The following PEAK1 variants were observed in gnomAD, a reference collection of about 807,000 sequenced individuals.
The protein encoded by PEAK1 is pseudopodium enriched atypical kinase 1.
A neutral mutation model predicts 124.7 loss-of-function variants in PEAK1; 54 were observed. The ratio of observed to expected loss-of-function variants is 0.43; its 90% CI spans 0.35 to 0.54. PEAK1 has a LOEUF of 0.54. PEAK1 is among the 20% of genes least tolerant of loss of function. The pLI is 0.01. For missense variants in PEAK1, 2,046 were observed against 2,134.5 expected (o/e 0.96, Z 0.82); for synonymous variants, 719 against 760.0 (o/e 0.95, Z 0.89).
intron 5 of PEAK1, among the ~76,000 whole-genome samples, chr15:77,275,733 A>T (rs1005067024): frequency 1.3e-4 from 19 of 151,734 alleles, no homozygotes; most frequent in Admixed American, 4.6e-4. Flanking sequence ...TAAATAAAAT[A>T]AAAAAATTTA....
chr15:77,275,764 A>G (rs1044997297), intron 5 of PEAK1, among the ~76,000 whole-genome samples: 3 of 151,876 alleles, frequency 2.0e-5, no homozygotes, highest in African/African-American at 7.2e-5. Context: ...AAAAGAAGTA[A>G]ATGTATTTTT....
intron 6 of PEAK1, among the ~76,000 whole-genome samples, chr15:77,191,031 A>C (rs991608030): frequency 2.6e-5 from 4 of 152,232 alleles, no homozygotes; most frequent in Non-Finnish European, 5.9e-5. Flanking sequence ...TTTGTATTTA[A>C]GTAAAATTAT....
intron 1 of PEAK1, chr15:77,381,594 C>T (rs2069487871): frequency 6.5e-6 from 3 of 460,066 alleles, no homozygotes; most frequent in Admixed American, 6.4e-5. Flanking sequence ...TTTATCCATC[C>T]AGGTTACAGA....
intron 9 of PEAK1, among the ~76,000 whole-genome samples, chr15:77,128,697 T>C (rs1288737217): frequency 6.6e-6 from 1 of 152,244 alleles, no homozygotes; most frequent in African/African-American, 2.4e-5. Context: ...GGAATGGGAA[T>C]GTCTATCCTA....
intron 1 of PEAK1, among the ~76,000 whole-genome samples, chr15:77,365,564 C>T (rs1479968539): frequency 1.3e-5 from 2 of 151,976 alleles, no homozygotes; most frequent in African/African-American, 4.8e-5. Flanking sequence ...GTGGCGAAAC[C>T]GTGTCTCTAC....
rs1019933483 is a variant in PEAK1, at chr15:77,179,688, C to G, written c.2239G>C (p.Gly747Arg). 1 of 1,614,024 alleles carries G rather than the reference C, an allele frequency of 6.2e-7. No homozygotes were observed. The highest frequency in any genetic ancestry group is 1.7e-5 in the Admixed American group (1 of 59,990). The change falls in exon 7 of 10, where the codon GGC becomes CGC. Residue 747 changes from glycine to arginine, a missense_variant. By Grantham distance (125) the Gly-to-Arg change is moderately radical (BLOSUM62 -2). Coordinates refer to ENST00000682557, the MANE Select transcript of PEAK1 (RefSeq NM_001385026.1). ...ATQEPVAKIE[G>R]TQESQMVGSS... is the part of the protein sequence containing the mutation. ...CCCACCATCTGAGACTCCTGAGTGC[C>G]TTCTATTTTGGCCACAGGCTCTTGA...
intron 1 of PEAK1, among the ~76,000 whole-genome samples, chr15:77,408,076 T>C (rs62007277): frequency 4.7e-5 from 6 of 126,894 alleles, no homozygotes; most frequent in Non-Finnish European, 1.1e-4. Context: ...CATATATACA[T>C]ATATACACAT....
intron 5 of PEAK1, among the ~76,000 whole-genome samples, chr15:77,266,123 G>A (rs1390540705): frequency 6.6e-6 from 1 of 151,926 alleles, no homozygotes; most frequent in Non-Finnish European, 1.5e-5. Context: ...GAGGGGGGAG[G>A]GATAGCATTT....
At chr15:77,142,117 A>G (rs1567021924) in intron 8 of PEAK1, among the ~76,000 whole-genome samples, 1 of 152,352 alleles carries the variant, frequency 6.6e-6, no homozygotes, top group East Asian at 1.9e-4. Flanking sequence ...TTCAGAATAT[A>G]TAAGGAACTC....
intron 9 of PEAK1, among the ~76,000 whole-genome samples, chr15:77,123,714 G>T (rs1358625092): frequency 2.0e-5 from 3 of 152,198 alleles, no homozygotes; most frequent in Non-Finnish European, 4.4e-5. Flanking sequence ...CAGATTCTTT[G>T]AAAGGGAAAA....
Position 77,179,320 on chromosome 15 carries a change from G to A in PEAK1, c.2607C>T (p.Pro869=), listed in dbSNP as rs776026215. 10 of 1,613,962 alleles carry A rather than the reference G, an allele frequency of 6.2e-6. No homozygotes were observed. Among genetic ancestry groups the A allele is most frequent in the South Asian group, 2.2e-5 (2 of 91,082 alleles). ...AAGAAGTAGAGCGTGGCGGGGGAAAGGGAGCTGGTGGCTCACTTTGGGGGC... is the reference window on the plus strand; with the variant it reads ...AAGAAGTAGAGCGTGGCGGGGGAAAAGGAGCTGGTGGCTCACTTTGGGGGC... ...VTSPQSEPPA[P]FPPPRSTSSP... is the part of the protein sequence containing the mutation. Residue 869 remains proline, a synonymous_variant, in exon 7 of 10, where the codon CCC becomes CCT. Coordinates refer to ENST00000682557, the MANE Select transcript of PEAK1 (RefSeq NM_001385026.1).
At position 77,252,424 on chromosome 15, in the gene PEAK1, C is replaced by T; in HGVS notation, c.-172G>A. ...TGACAAAGGTGGTTTTAGCAGCTAG[C>T]AAAACATTCCTTCCAAATTTCAAGG... On this transcript the variant is annotated 5_prime_UTR_variant, in exon 6 of 10. Coordinates refer to ENST00000682557, the MANE Select transcript of PEAK1 (RefSeq NM_001385026.1). 1 of 985,274 alleles carries T rather than the reference C, an allele frequency of 1.0e-6. No individual in the cohort carries two copies. Among genetic ancestry groups the T allele is most frequent in the Non-Finnish European group, 1.2e-6 (1 of 829,870 alleles). The allele number at this position is 985,274 out of a possible 1,614,324, so 61.0% of individuals were successfully genotyped here.
intron 5 of PEAK1, 106 bp downstream of exon 5, chr15:77,283,777 T>C (rs1191142788): frequency 5.1e-6 from 2 of 388,886 alleles, no homozygotes; most frequent in African/African-American, 4.4e-5. Context: ...ATGTGGTTGA[T>C]AAACACAAGG....
At chr15:77,213,604 G>A (rs937850431) in intron 6 of PEAK1, among the ~76,000 whole-genome samples, 3 of 151,994 alleles carry the variant, frequency 2.0e-5, no homozygotes, top group Non-Finnish European at 2.9e-5. Flanking sequence ...CAGGAGACTC[G>A]CTTGAACCTA....
chr15:77,209,266 T>G (rs1016754682), intron 6 of PEAK1, among the ~76,000 whole-genome samples: 2 of 152,180 alleles, frequency 1.3e-5, no homozygotes, highest in African/African-American at 4.8e-5. Flanking sequence ...CTTCAGCTAT[T>G]GAGTCTAAAC....
chr15:77,419,182 A>T, intron 1 of PEAK1: 1 of 985,354 alleles, frequency 1.0e-6, no homozygotes, highest in Non-Finnish European at 1.2e-6. Flanking sequence ...AAAAAGTAAC[A>T]TTTAACAGGC....
chr15:77,317,936 C>T (rs1417802993), intron 2 of PEAK1, among the ~76,000 whole-genome samples: 1 of 152,098 alleles, frequency 6.6e-6, no homozygotes, highest in Non-Finnish European at 1.5e-5. Flanking sequence ...AGGCTATATA[C>T]AAATACTGTA....
chr15:77,290,111 G>A (rs185454358), intron 2 of PEAK1, among the ~76,000 whole-genome samples: 2 of 152,124 alleles, frequency 1.3e-5, no homozygotes, highest in East Asian at 3.9e-4. Flanking sequence ...GGGATTACAG[G>A]AGCCTTGCAT....
chr15:77,399,287 T>C (rs916362063), intron 1 of PEAK1, among the ~76,000 whole-genome samples: 1 of 151,996 alleles, frequency 6.6e-6, no homozygotes, highest in African/African-American at 2.4e-5. Context: ...AATATACCAA[T>C]GACATTCTTC....
Sources: gnomAD v4.1 joint callset for allele counts (sites outside exome capture counted in the v4.1 genomes callset) on GRCh38, gnomAD v4.1.1 for gene constraint, MANE v1.5 for transcripts, NCBI Gene and HGNC (gene_info 2026-07-23, HGNC 2026-07-21) for gene names.